The following SLC35F4 variants were observed in gnomAD, a reference collection of about 807,000 sequenced individuals.
SLC35F4 encodes chromosome 14 open reading frame 36.
A neutral mutation model predicts 44.2 loss-of-function variants in SLC35F4; 24 were observed. The ratio of observed to expected loss-of-function variants is 0.54; its 90% CI spans 0.39 to 0.76. The LOEUF is 0.76. SLC35F4 is among the 30% of genes least tolerant of loss of function. SLC35F4 has a pLI of 0.00. For synonymous variants in SLC35F4, 238 were observed against 223.6 expected, an observed-to-expected ratio of 1.06 and a Z score of -0.57; for missense variants, 562 against 586.1, an observed-to-expected ratio of 0.96 and a Z score of 0.42.
intron 1 of SLC35F4, among the ~76,000 whole-genome samples, chr14:57,717,048 A>G (rs975906843): frequency 6.6e-5 from 10 of 152,144 alleles, no homozygotes; most frequent in African/African-American, 2.4e-4. Flanking sequence ...CAGCATTTTT[A>G]TATGACTTAA....
chr14:57,747,100 A>C (rs77022799), intron 1 of SLC35F4, among the ~76,000 whole-genome samples: 1 of 152,226 alleles, frequency 6.6e-6, no homozygotes. Context: ...AAAACAAAAC[A>C]AAAAGGAAAT....
At chr14:57,672,988 A>G (rs1370529179) in intron 1 of SLC35F4, among the ~76,000 whole-genome samples, 3 of 152,112 alleles carry the variant, frequency 2.0e-5, no homozygotes, top group African/African-American at 7.3e-5. Flanking sequence ...CAATAAAAAA[A>G]TAAAATTTGC....
chr14:57,792,792 G>T (rs537031815), intron 1 of SLC35F4, among the ~76,000 whole-genome samples: 21 of 152,150 alleles, frequency 1.4e-4, no homozygotes, highest in African/African-American at 4.8e-4. Context: ...TGGGAGGGGG[G>T]TGAGGGATAA....
intron 1 of SLC35F4, among the ~76,000 whole-genome samples, chr14:57,652,034 C>A (rs1407110756): frequency 6.6e-6 from 1 of 152,102 alleles, no homozygotes; most frequent in African/African-American, 2.4e-5. Flanking sequence ...ACCTGGAGGA[C>A]CCCCAGGAAA....
chr14:57,646,602 T>A (rs959063342), intron 1 of SLC35F4, among the ~76,000 whole-genome samples: 1 of 152,162 alleles, frequency 6.6e-6, no homozygotes, highest in Non-Finnish European at 1.5e-5. Flanking sequence ...TTTGAAGGGT[T>A]TTTTGTGTCT....
In SLC35F4 at chr14:57,564,373, AC is replaced by A. The variant is rs768369356; in HGVS notation, c.1219del (p.Val407TrpfsTer4). 1.2e-6 allele frequency: 2 copies of A among 1,602,264 alleles called. No homozygotes were observed. The highest frequency in any genetic ancestry group is 1.7e-6 in the Non-Finnish European group (2 of 1,173,758). ...TATCACCTCCTGCTTTAGGAGATCC[AC>A]AGCTAGGAAAGAAAAATCAAGTCAG... The part of the protein sequence containing the change: ...TVLSVPGNAA[V>X]DLLKQEVIFN... On this transcript the variant is annotated frameshift_variant and splice_region_variant, in exon 8 of 8. Transcript: ENST00000556826. LOFTEE classifies it high-confidence loss of function.
chr14:57,807,749 TA>T, intron 1 of SLC35F4, among the ~76,000 whole-genome samples: 1 of 152,046 alleles, frequency 6.6e-6, no homozygotes, highest in East Asian at 1.9e-4. Context: ...ACTTTTTTTC[TA>T]TTAAAAGGCT....
chr14:57,800,396 C>A (rs561660097), intron 1 of SLC35F4, among the ~76,000 whole-genome samples: 1 of 152,164 alleles, frequency 6.6e-6, no homozygotes, highest in African/African-American at 2.4e-5. Context: ...GCTAAGCCCA[C>A]AAAGATGAGA....
intron 1 of SLC35F4, among the ~76,000 whole-genome samples, chr14:57,800,111 G>A (rs776340554): frequency 5.9e-5 from 9 of 152,126 alleles, no homozygotes; most frequent in African/African-American, 1.2e-4. Context: ...CGTTTGGGCC[G>A]GCAACATGTC....
At chr14:57,720,106 C>T (rs2076046825) in intron 1 of SLC35F4, among the ~76,000 whole-genome samples, 1 of 152,088 alleles carries the variant, frequency 6.6e-6, no homozygotes, top group African/African-American at 2.4e-5. Context: ...TATGATGTAT[C>T]ACATTGTTTG....
At chr14:57,805,816 C>A (rs1296081648) in intron 1 of SLC35F4, among the ~76,000 whole-genome samples, 1 of 152,112 alleles carries the variant, frequency 6.6e-6, no homozygotes, top group Admixed American at 6.6e-5. Flanking sequence ...AATTTGCAAT[C>A]ATCTATAAAT....
chr14:57,832,901 G>A (rs542140827), intron 1 of SLC35F4, among the ~76,000 whole-genome samples: 1 of 152,180 alleles, frequency 6.6e-6, no homozygotes, highest in African/African-American at 2.4e-5. Flanking sequence ...AAATATTTCA[G>A]GTATTATTTT....
At chr14:57,666,140 G>A (rs1215075589) in intron 1 of SLC35F4, among the ~76,000 whole-genome samples, 5 of 152,192 alleles carry the variant, frequency 3.3e-5, no homozygotes, top group Admixed American at 3.3e-4. Flanking sequence ...AATAAAGCTT[G>A]TCATAGGAAA....
chr14:57,666,545 T>C (rs1566741777), intron 1 of SLC35F4, among the ~76,000 whole-genome samples: 2 of 152,128 alleles, frequency 1.3e-5, no homozygotes, highest in Admixed American at 6.6e-5. Flanking sequence ...TGGGAAACTC[T>C]GAACAGAGGA....
chr14:57,811,460 C>T (rs1186647004), intron 1 of SLC35F4, among the ~76,000 whole-genome samples: 16 of 152,250 alleles, frequency 1.1e-4, no homozygotes, highest in Non-Finnish European at 2.4e-4. Flanking sequence ...AACAAATAGC[C>T]CTTCCCCTTT....
At chr14:57,923,000 G>T (rs1281476624) in intron 1 of SLC35F4, among the ~76,000 whole-genome samples, 1 of 152,208 alleles carries the variant, frequency 6.6e-6, no homozygotes, top group Non-Finnish European at 1.5e-5. Flanking sequence ...AGCCTTATAT[G>T]CTTTATGATA....
At chr14:57,759,605 T>C (rs2077075098) in intron 1 of SLC35F4, among the ~76,000 whole-genome samples, 1 of 152,184 alleles carries the variant, frequency 6.6e-6, no homozygotes, top group South Asian at 2.1e-4. Flanking sequence ...GGGAACTGTA[T>C]ACTCTTTTAC....
intron 1 of SLC35F4, among the ~76,000 whole-genome samples, chr14:57,688,305 CT>C (rs950553495): frequency 1.2e-4 from 19 of 152,090 alleles, no homozygotes; most frequent in Non-Finnish European, 1.8e-4. Context: ...CTAATGTTTC[CT>C]TTGCAAGTAA....
chr14:57,663,219 T>C (rs957890325), intron 1 of SLC35F4, among the ~76,000 whole-genome samples: 2 of 152,218 alleles, frequency 1.3e-5, no homozygotes, highest in Non-Finnish European at 2.9e-5. Flanking sequence ...ATGTAGAATA[T>C]ATCTTGTTAG....
Sources: allele counts gnomAD v4.1 joint callset (sites outside exome capture counted in the v4.1 genomes callset), GRCh38; gene constraint gnomAD v4.1.1; transcripts MANE v1.5; gene names NCBI Gene and HGNC (gene_info 2026-07-23, HGNC 2026-07-21).